SLFN12L: variants seen among roughly 807,000 people sequenced by gnomAD.
SLFN12L encodes the protein schlafen family member 12 like.
A neutral mutation model predicts 34.8 loss-of-function variants in SLFN12L; 34 were observed. The observed-to-expected ratio is 0.98, with a 90% CI of 0.74 to 1.30. SLFN12L has a LOEUF of 1.30. Ranked by LOEUF, SLFN12L falls within the 50% of genes most tolerant of loss-of-function variation. The pLI, the probability that SLFN12L is intolerant of heterozygous loss-of-function variation, is 0.00. For missense variants in SLFN12L, 703 were observed against 696.2 expected (o/e 1.01, Z -0.11); for synonymous variants, 259 against 247.5 (o/e 1.05, Z -0.44).
chr17:35,524,871 A>G (rs947314949), intron 1 of SLFN12L, among the ~76,000 whole-genome samples: 1 of 152,136 alleles, frequency 6.6e-6, no homozygotes, highest in African/African-American at 2.4e-5. Context: ...ACAAATTGAC[A>G]GACGTAGGCT....
intron 2 of SLFN12L, chr17:35,515,187 C>T: frequency 3.3e-6 from 2 of 604,426 alleles, no homozygotes; most frequent in Admixed American, 1.9e-5. Context: ...TCCGACCCAG[C>T]CTCTTCCCCA....
chr17:35,495,115 G>T (rs527459300), intron 2 of SLFN12L, among the ~76,000 whole-genome samples: 10 of 152,162 alleles, frequency 6.6e-5, no homozygotes, highest in African/African-American at 2.2e-4. Flanking sequence ...GCCCAGGTTG[G>T]TCTCAAACTC....
chr17:35,475,467 G>C lies in SLFN12L; in HGVS notation c.1295C>G (p.Thr432Ser), dbSNP rs1430208035. 1.2e-6 allele frequency: 2 copies of C among 1,608,002 alleles called. No homozygotes were observed. Among genetic ancestry groups the C allele is most frequent in the Non-Finnish European group, 1.7e-6 (2 of 1,177,602 alleles). ...YHLPGLSEKI[T>S]CAPKTFCRNL... ...TCTGCAGAAGGTTTTTGGAGCACAA[G>C]TTATCTTTTCTGATAGCCCTAGATG... Residue 432 changes from threonine (T) to serine (S), a missense_variant, in exon 5 of 5, where the codon ACT (threonine) becomes AGT (serine). Thr to Ser is a moderately conservative substitution (Grantham distance 58). Coordinates refer to ENST00000628453, the MANE Select transcript of SLFN12L (RefSeq NM_001363830.2).
At chr17:35,515,319 G>A (rs1915781705) in intron 2 of SLFN12L, 28 of 360,976 alleles carry the variant, frequency 7.8e-5, no homozygotes, top group South Asian at 6.8e-4. Context: ...AAGATCCAGG[G>A]TTCTGAAGAT....
chr17:35,498,695 T>C, intron 2 of SLFN12L: 2 of 1,578,156 alleles, frequency 1.3e-6, no homozygotes, highest in Non-Finnish European at 1.7e-6. Context: ...CATTCCTAGA[T>C]AACAATTACG....
At chr17:35,506,893 A>G (rs1250380505) in intron 2 of SLFN12L, among the ~76,000 whole-genome samples, 3 of 152,158 alleles carry the variant, frequency 2.0e-5, no homozygotes, top group Non-Finnish European at 4.4e-5. Flanking sequence ...GAAGGACTTC[A>G]CCCTTCCTGT....
chr17:35,484,898 T>G (rs926532326), intron 2 of SLFN12L, among the ~76,000 whole-genome samples: 18 of 152,244 alleles, frequency 1.2e-4, no homozygotes, highest in African/African-American at 4.3e-4. Flanking sequence ...GATTACTGAT[T>G]CCATCTCCTT....
intron 2 of SLFN12L, 102 bp downstream of exon 2, chr17:35,522,177 C>T (rs946029086): frequency 6.8e-7 from 1 of 1,480,452 alleles, no homozygotes; most frequent in East Asian, 2.4e-5. Flanking sequence ...TTTGTTGTCA[C>T]AGATAATTTT....
intron 2 of SLFN12L, among the ~76,000 whole-genome samples, chr17:35,503,621 G>C (rs1037466868): frequency 2.6e-5 from 4 of 152,144 alleles, no homozygotes; most frequent in South Asian, 2.1e-4. Context: ...AAGGCACCAA[G>C]GACTATAAAG....
chr17:35,501,798 C>CA (rs982800245), intron 2 of SLFN12L, among the ~76,000 whole-genome samples: 6 of 152,156 alleles, frequency 3.9e-5, no homozygotes, highest in Non-Finnish European at 8.8e-5. Context: ...TCCCTTGTTT[C>CA]AAAGGTATGG....
At chr17:35,483,085 A>C (rs9895481) in intron 2 of SLFN12L, among the ~76,000 whole-genome samples, 112,142 of 151,954 alleles carry the variant, frequency 0.74, 42,156 homozygotes, top group African/African-American at 0.9. Context: ...CAGAGACCTG[A>C]AGAGACATTG....
In SLFN12L at chr17:35,479,909, A is replaced by G; in HGVS notation, c.373T>C (p.Phe125Leu). 6.2e-7 allele frequency: 1 copy of G among 1,613,492 alleles called. No homozygotes were observed. The highest frequency in any genetic ancestry group is 1.1e-5 in the South Asian group (1 of 90,976). Residue 125 changes from phenylalanine (F) to leucine (L), a missense_variant, in exon 3 of 5, where the codon TTT becomes CTT. Phe to Leu is a conservative substitution (Grantham distance 22). Coordinates refer to ENST00000628453, the MANE Select transcript of SLFN12L (RefSeq NM_001363830.2). ...DGIGLDLENS[F>L]SNMLPFVPNF... ...GGAACAAATGGCAGCATGTTACTAA[A>G]AGAATTTTCCAAATCTAGCCCTATT...
rs3744372 is a variant in SLFN12L, at chr17:35,475,137, T to G, written c.1625A>C (p.Tyr542Ser). ...KKVCVMTKIF[Y>S]LSPEGKTSCQ... ...GCTTGTCTTGCCTTCAGGGCTCAAG[T>G]AGAAGATCTTTGTCATGACACACAC... The change falls in exon 5 of 5, where the codon TAC becomes TCC. Residue 542 changes from tyrosine (Y) to serine (S), a missense_variant. Coordinates refer to ENST00000628453, the MANE Select transcript of SLFN12L (RefSeq NM_001363830.2). 0.16 allele frequency: 262,392 copies of G among 1,613,754 alleles called. 23,510 individuals carry two copies. Among genetic ancestry groups the G allele is most frequent in the African/African-American group, 0.3 (22,698 of 74,710 alleles).
At chr17:35,534,820 T>C (rs2072443440) in intron 1 of SLFN12L, among the ~76,000 whole-genome samples, 1 of 152,190 alleles carries the variant, frequency 6.6e-6, no homozygotes, top group African/African-American at 2.4e-5. Context: ...AGAGAGAACC[T>C]GGATATATGC....
chr17:35,490,416 TG>T (rs1914790223), intron 2 of SLFN12L: 1 of 1,230,644 alleles, frequency 8.1e-7, no homozygotes, highest in African/African-American at 1.5e-5. Flanking sequence ...AGTCACCCGA[TG>T]GGGTCTTGGT....
rs1210362415 is a variant in SLFN12L, at chr17:35,472,161, C to T, written c.*2762G>A. Reference sequence around the variant, plus strand: ...ATGCCTATGTCCTGAATGGTATTGCCTAGGTTTTCTTCTAGAGTTTTTATG... The same window carrying T: ...ATGCCTATGTCCTGAATGGTATTGCTTAGGTTTTCTTCTAGAGTTTTTATG... On this transcript the variant is annotated 3_prime_UTR_variant, in exon 5 of 5. Transcript: ENST00000628453. 1.3e-5 allele frequency among the ~76,000 whole-genome samples: 2 copies of T among 152,114 alleles called. No individual in the cohort carries two copies. The highest frequency in any genetic ancestry group is 2.9e-5 in the Non-Finnish European group (2 of 68,034).
intron 2 of SLFN12L, chr17:35,487,827 A>G: frequency 7.0e-7 from 1 of 1,422,774 alleles, no homozygotes; most frequent in East Asian, 2.5e-5. Flanking sequence ...CCCCTCGCTC[A>G]GCTGCATTTC....
chr17:35,516,625 T>C (rs1452460059), intron 2 of SLFN12L, among the ~76,000 whole-genome samples: 1 of 152,198 alleles, frequency 6.6e-6, no homozygotes, highest in Non-Finnish European at 1.5e-5. Flanking sequence ...TATCTCCAGA[T>C]ATTATGTCCC....
Position 35,471,534 on chromosome 17 carries a change from G to A in SLFN12L, c.*3389C>T, listed in dbSNP as rs1003739590. ...ATGGTATTTCTGGTTCTAGATCCTT[G>A]AGGAATCGCCACACTGTCTTCCACA... On this transcript the variant is annotated 3_prime_UTR_variant, in exon 5 of 5. Coordinates refer to ENST00000628453, the MANE Select transcript of SLFN12L (RefSeq NM_001363830.2). 4.6e-5 allele frequency among the ~76,000 whole-genome samples: 7 copies of A among 152,156 alleles called. No individual in the cohort carries two copies. Among genetic ancestry groups the A allele is most frequent in the African/African-American group, 7.2e-5 (3 of 41,424 alleles).
Sources: allele counts gnomAD v4.1 joint callset (sites outside exome capture counted in the v4.1 genomes callset), GRCh38; gene constraint gnomAD v4.1.1; transcripts MANE v1.5; gene names NCBI Gene and HGNC (gene_info 2026-07-23, HGNC 2026-07-21).